STK3: variants seen among roughly 807,000 people sequenced by gnomAD.
STK3 encodes the protein serine/threonine kinase 3.
Under a neutral mutation model 58.0 loss-of-function variants are expected in STK3, and 41 were observed. The ratio of observed to expected loss-of-function variants is 0.71; its 90% CI spans 0.55 to 0.92. The LOEUF (loss-of-function observed/expected upper bound fraction) is 0.92, where lower values mean the gene tolerates loss of function less well. Ranked by LOEUF, STK3 falls within the 40% of genes least tolerant of loss-of-function variation. STK3 has a pLI of 0.00. For synonymous variants in STK3, 170 were observed against 191.0 expected, an observed-to-expected ratio of 0.89 and a Z score of 0.91; for missense variants, 479 against 602.7, an observed-to-expected ratio of 0.79 and a Z score of 2.15.
intron 6 of STK3, among the ~76,000 whole-genome samples, chr8:98,696,343 T>C (rs1439388213): frequency 6.6e-6 from 1 of 151,774 alleles, no homozygotes; most frequent in Admixed American, 6.6e-5. Context: ...TTGAATACCC[T>C]TTATTTCCTT....
chr8:98,778,241 AAAG>A (rs1207490510), intron 1 of STK3, among the ~76,000 whole-genome samples: 1 of 152,248 alleles, frequency 6.6e-6, no homozygotes, highest in Admixed American at 6.5e-5. Context: ...ACACTTCTCA[AAAG>A]AAGACATTTA....
At chr8:98,765,867 CT>C (rs1405589440) in intron 3 of STK3, among the ~76,000 whole-genome samples, 1 of 152,210 alleles carries the variant, frequency 6.6e-6, no homozygotes, top group Non-Finnish European at 1.5e-5. Flanking sequence ...CTCTGAATCC[CT>C]TATAGAATAA....
rs541297671 is a variant in STK3, at chr8:98,668,005, T to C, written c.684+38462A>G. 7.2e-5 allele frequency among the ~76,000 whole-genome samples: 11 copies of C among 152,238 alleles called. No individual in the cohort carries two copies. The East Asian group carries it at 1.2e-3, about 16-fold the overall frequency. ...AAATACATTAGAGTATTAGACACTT[T>C]CTCAGTTGTTTAATACAGTTTCAGT... On this transcript the variant is annotated intron_variant, in intron 6 of 10. Transcript: ENST00000419617.
intron 6 of STK3, among the ~76,000 whole-genome samples, chr8:98,653,334 T>C (rs946307315): frequency 3.9e-5 from 6 of 151,916 alleles, no homozygotes; most frequent in Non-Finnish European, 8.8e-5. Flanking sequence ...TTCAAAGCAG[T>C]GTGTAGAGGG....
At chr8:98,559,998 T>C (rs1811885949) in intron 8 of STK3, among the ~76,000 whole-genome samples, 1 of 152,104 alleles carries the variant, frequency 6.6e-6, no homozygotes, top group Non-Finnish European at 1.5e-5. Context: ...ACAATTACTG[T>C]TCATGCATAC....
chr8:98,767,453 A>G, intron 2 of STK3, 82 bp from the exon 3 acceptor site: 2 of 1,324,848 alleles, frequency 1.5e-6, no homozygotes, highest in Non-Finnish European at 1.0e-6. Context: ...TTTTCTGTGG[A>G]TAGTCTTTTC....
chr8:98,579,556 A>G (rs1813687385), intron 8 of STK3, 108 bp downstream of exon 8: 3 of 1,331,750 alleles, frequency 2.3e-6, no homozygotes, highest in Admixed American at 5.1e-5. Context: ...ATGAAAAAAC[A>G]TATCTTACTT....
chr8:98,840,945 T>C (rs528825383), intron 3 of STK3, among the ~76,000 whole-genome samples: 9 of 152,154 alleles, frequency 5.9e-5, no homozygotes, highest in Non-Finnish European at 1.2e-4. Context: ...TCAGGTGTTT[T>C]TGGCAAGATT....
Position 98,852,604 on chromosome 8 carries a change from C to G in STK3, c.110+31043G>C, listed in dbSNP as rs191524103. Among the ~76,000 whole-genome samples, 511 of 152,310 alleles carry G rather than the reference C, an allele frequency of 3.4e-3. 3 individuals carry two copies. Among genetic ancestry groups the G allele is most frequent in the African/African-American group, 0.012 (489 of 41,562 alleles). On this transcript the variant is annotated intron_variant, in intron 3 of 12. Transcript: ENST00000523601. Reference sequence around the variant, plus strand: ...GATTTAATTTCCTTTATCTTTTCTACTCTCATCTTTTCCTTGAGATTTAAA... The same window carrying G: ...GATTTAATTTCCTTTATCTTTTCTAGTCTCATCTTTTCCTTGAGATTTAAA...
At chr8:98,582,072 G>A (rs1451674614) in intron 7 of STK3, among the ~76,000 whole-genome samples, 1 of 152,060 alleles carries the variant, frequency 6.6e-6, no homozygotes, top group Non-Finnish European at 1.5e-5. Context: ...AAATATTTCA[G>A]ATTTTAAAAG....
intron 3 of STK3, among the ~76,000 whole-genome samples, chr8:98,406,858 C>T (rs1358891418): frequency 4.6e-5 from 7 of 152,160 alleles, no homozygotes; most frequent in East Asian, 3.9e-4. Flanking sequence ...TCTTCCTGTG[C>T]GATATACAGA....
chr8:98,443,511 G>A (rs1742309908), intron 1 of STK3, among the ~76,000 whole-genome samples: 1 of 152,144 alleles, frequency 6.6e-6, no homozygotes, highest in African/African-American at 2.4e-5. Context: ...CCTCATGGAG[G>A]CCAGCAAAGG....
At chr8:98,830,106 G>T (rs777354765), upstream of STK3, among the ~76,000 whole-genome samples, 1 of 152,290 alleles carries the variant, frequency 6.6e-6, no homozygotes, top group Non-Finnish European at 1.5e-5. Flanking sequence ...GTGGGCACCT[G>T]TAGTCCCAGC....
chr8:98,532,226 C>A (rs1826215162), intron 9 of STK3, among the ~76,000 whole-genome samples: 1 of 152,122 alleles, frequency 6.6e-6, no homozygotes, highest in Non-Finnish European at 1.5e-5. Flanking sequence ...TGTGACTCTT[C>A]CTTTCACTTT....
intron 4 of STK3, among the ~76,000 whole-genome samples, chr8:98,723,229 G>A (rs60384840): frequency 5.5e-4 from 84 of 152,210 alleles, no homozygotes; most frequent in African/African-American, 1.9e-3. Flanking sequence ...AGCAATCAGG[G>A]ATAAAAGTAA....
At chr8:98,370,369 G>GTT (rs1208130778), downstream of STK3, among the ~76,000 whole-genome samples, 6 of 151,322 alleles carry the variant, frequency 4.0e-5, no homozygotes, top group African/African-American at 1.5e-4. Flanking sequence ...GTGTGTGTGT[G>GTT]TGTGTGTGTG....
intron 5 of STK3, 88 bp from the exon 6 acceptor site, chr8:98,706,722 C>T: frequency 7.6e-7 from 1 of 1,310,754 alleles, no homozygotes. Flanking sequence ...AATGTTAAAA[C>T]CTCCAATGCC....
intron 9 of STK3, among the ~76,000 whole-genome samples, chr8:98,528,196 C>T (rs1232842554): frequency 1.3e-5 from 2 of 152,170 alleles, no homozygotes; most frequent in African/African-American, 2.4e-5. Context: ...TCCAATATCA[C>T]AGTTTTGATT....
At chr8:98,911,550 T>C (rs1173103338) in intron 1 of STK3, among the ~76,000 whole-genome samples, 2 of 152,048 alleles carry the variant, frequency 1.3e-5, no homozygotes, top group South Asian at 4.2e-4. Context: ...CACGCCACCA[T>C]GCCTGGCTAA....
Sources: gnomAD v4.1 joint callset for allele counts (sites outside exome capture counted in the v4.1 genomes callset) on GRCh38, gnomAD v4.1.1 for gene constraint, MANE v1.5 for transcripts, NCBI Gene and HGNC (gene_info 2026-07-23, HGNC 2026-07-21) for gene names.